The following TENM4 variants were observed in gnomAD, a reference collection of about 807,000 sequenced individuals.
TENM4 encodes teneurin-4.
In TENM4, 82 loss-of-function variants were observed where a neutral mutation model predicts 243.3. The ratio of observed to expected loss-of-function variants is 0.34; its 90% confidence interval spans 0.28 to 0.40. The LOEUF (loss-of-function observed/expected upper bound fraction) is 0.40, where lower values mean the gene tolerates loss of function less well. Among genes scored for constraint, TENM4 ranks in the 10% least tolerant of loss-of-function variants. The pLI, the probability that TENM4 is intolerant of heterozygous loss-of-function variation, is 1.00. For missense variants in TENM4, 3,138 were observed against 3,673.3 expected (o/e 0.85, Z 3.77); for synonymous variants, 1,412 against 1,456.3 (o/e 0.97, Z 0.69).
intron 4 of TENM4, among the ~76,000 whole-genome samples, chr11:79,106,994 C>T (rs976970743): frequency 6.6e-6 from 1 of 152,190 alleles, no homozygotes; most frequent in African/African-American, 2.4e-5. Flanking sequence ...TCTGCACCTG[C>T]CCGGAACTGT....
intron 3 of TENM4, among the ~76,000 whole-genome samples, chr11:79,180,530 G>A (rs925420593): frequency 3.3e-5 from 5 of 151,754 alleles, no homozygotes; most frequent in Non-Finnish European, 7.4e-5. Context: ...TTTATACAGT[G>A]AGAACAATAC....
intron 28 of TENM4, among the ~76,000 whole-genome samples, chr11:78,694,257 A>G (rs1290994379): frequency 1.3e-5 from 2 of 152,148 alleles, no homozygotes; most frequent in African/African-American, 4.8e-5. Flanking sequence ...GATTGTTTCA[A>G]ACAACACCAT....
At chr11:79,053,126 A>G (rs759572103) in intron 6 of TENM4, among the ~76,000 whole-genome samples, 1 of 152,220 alleles carries the variant, frequency 6.6e-6, no homozygotes. Context: ...AACTCTTTAT[A>G]AACAAAATCT....
At chr11:79,180,141 T>A (rs550176180) in intron 3 of TENM4, among the ~76,000 whole-genome samples, 1 of 151,764 alleles carries the variant, frequency 6.6e-6, no homozygotes, top group African/African-American at 2.4e-5. Context: ...TGACTTTGCA[T>A]CTTAAGCTTA....
chr11:78,853,611 C>T (rs559622318), intron 12 of TENM4, among the ~76,000 whole-genome samples: 2 of 152,324 alleles, frequency 1.3e-5, no homozygotes, highest in South Asian at 4.1e-4. Flanking sequence ...ATGGTTCATC[C>T]AGCCTTTTGC....
chr11:78,975,160 G>A (rs1259317514), intron 6 of TENM4, among the ~76,000 whole-genome samples: 3 of 143,208 alleles, frequency 2.1e-5, no homozygotes. Flanking sequence ...AAGCTGTGAG[G>A]GAGGTATTGG....
chr11:79,075,834 C>G (rs1860524017), intron 4 of TENM4, among the ~76,000 whole-genome samples: 1 of 152,184 alleles, frequency 6.6e-6, no homozygotes, highest in Non-Finnish European at 1.5e-5. Context: ...AACCTGAGTA[C>G]CACAAAGGTG....
chr11:79,351,950 T>G (rs75068597), intron 1 of TENM4, among the ~76,000 whole-genome samples: 1 of 152,152 alleles, frequency 6.6e-6, no homozygotes, highest in African/African-American at 2.4e-5. Context: ...TGGGAGTCAC[T>G]TCTAGTTCCT....
At chr11:79,073,458 A>C (rs1860466770) in intron 4 of TENM4, among the ~76,000 whole-genome samples, 1 of 152,178 alleles carries the variant, frequency 6.6e-6, no homozygotes, top group Non-Finnish European at 1.5e-5. Flanking sequence ...CGGTGCTCAC[A>C]AAATGCCTGT....
At chr11:79,050,998 T>G (rs992670619) in intron 6 of TENM4, among the ~76,000 whole-genome samples, 1 of 152,178 alleles carries the variant, frequency 6.6e-6, no homozygotes. Flanking sequence ...TGGAGTCAGA[T>G]AGACCTGGGG....
chr11:78,957,740 A>T (rs538565589), intron 6 of TENM4, among the ~76,000 whole-genome samples: 2 of 152,354 alleles, frequency 1.3e-5, no homozygotes, highest in South Asian at 4.1e-4. Flanking sequence ...ACGGCCCAGC[A>T]TCCAAAGTTT....
intron 3 of TENM4, among the ~76,000 whole-genome samples, chr11:79,159,185 G>T (rs1226267684): frequency 1.3e-5 from 2 of 152,186 alleles, no homozygotes; most frequent in African/African-American, 4.8e-5. Flanking sequence ...AGCAGGAAAC[G>T]CATCTTTGTT....
At chr11:78,698,930 C>G (rs1026573555) in intron 28 of TENM4, among the ~76,000 whole-genome samples, 1 of 152,212 alleles carries the variant, frequency 6.6e-6, no homozygotes, top group Non-Finnish European at 1.5e-5. Context: ...TCTCAGGGAT[C>G]TGACTTCTTT....
At chr11:79,211,018 C>A (rs1212689131) in intron 3 of TENM4, among the ~76,000 whole-genome samples, 2 of 152,114 alleles carry the variant, frequency 1.3e-5, no homozygotes, top group Admixed American at 6.6e-5. Flanking sequence ...AGGCACCGAC[C>A]CCAACCTGGA....
intron 4 of TENM4, among the ~76,000 whole-genome samples, chr11:79,100,868 G>A (rs1861213619): frequency 6.6e-6 from 1 of 152,170 alleles, no homozygotes; most frequent in Non-Finnish European, 1.5e-5. Flanking sequence ...TATCTGGAAA[G>A]GAGTCTGCCT....
chr11:79,227,084 G>A (rs1441109874), intron 2 of TENM4, among the ~76,000 whole-genome samples: 1 of 152,198 alleles, frequency 6.6e-6, no homozygotes, highest in African/African-American at 2.4e-5. Flanking sequence ...GATTGGAGAT[G>A]AGCAGACAGC....
At chr11:79,019,495 T>A (rs1358710452) in intron 6 of TENM4, among the ~76,000 whole-genome samples, 1 of 152,174 alleles carries the variant, frequency 6.6e-6, no homozygotes, top group Non-Finnish European at 1.5e-5. Flanking sequence ...AAAGGCAGAA[T>A]CATTGTCCCT....
At chr11:79,432,433 G>C (rs1164437530) in intron 1 of TENM4, among the ~76,000 whole-genome samples, 2 of 152,214 alleles carry the variant, frequency 1.3e-5, no homozygotes, top group Non-Finnish European at 2.9e-5. Context: ...TCAAAGCAGA[G>C]CTGGGTTTAT....
intron 1 of TENM4, among the ~76,000 whole-genome samples, chr11:79,418,338 T>A (rs1310266822): frequency 6.6e-6 from 1 of 152,160 alleles, no homozygotes; most frequent in Non-Finnish European, 1.5e-5. Flanking sequence ...CTTTAGGGTA[T>A]AATGGATTTC....
Sources: allele counts gnomAD v4.1 joint callset (sites outside exome capture counted in the v4.1 genomes callset), GRCh38; gene constraint gnomAD v4.1.1; transcripts MANE v1.5; gene names NCBI Gene and HGNC (gene_info 2026-07-23, HGNC 2026-07-21).